The following RELN variants were observed in gnomAD, a reference collection of about 807,000 sequenced individuals.
The protein encoded by RELN is reelin.
In RELN, 108 loss-of-function variants were observed where a neutral mutation model predicts 427.6. The observed-to-expected ratio is 0.25, with a 90% CI of 0.22 to 0.30. RELN has a LOEUF of 0.30. RELN is among the 10% of genes least tolerant of loss of function. RELN has a pLI of 1.00. For missense variants in RELN, 3,715 were observed against 4,302.8 expected, an observed-to-expected ratio of 0.86 and a Z score of 3.82; for synonymous variants, 1,524 against 1,513.4, an observed-to-expected ratio of 1.01 and a Z score of -0.16.
intron 1 of RELN, among the ~76,000 whole-genome samples, chr7:103,970,371 T>G (rs1341973692): frequency 6.6e-6 from 1 of 152,156 alleles, no homozygotes; most frequent in Non-Finnish European, 1.5e-5. Flanking sequence ...CTCGAACTCC[T>G]GACCTCAAGT....
At chr7:103,685,212 A>C (rs950545363) in intron 10 of RELN, among the ~76,000 whole-genome samples, 20 of 152,290 alleles carry the variant, frequency 1.3e-4, no homozygotes, top group African/African-American at 4.8e-4. Context: ...TGAAAGTATG[A>C]AAAGAATTTT....
chr7:103,546,054 C>T (rs531826563), intron 41 of RELN, among the ~76,000 whole-genome samples: 14 of 152,318 alleles, frequency 9.2e-5, no homozygotes, highest in East Asian at 1.9e-4. Flanking sequence ...GTGGCATTTA[C>T]CACATTCATA....
intron 1 of RELN, among the ~76,000 whole-genome samples, chr7:103,960,153 T>C (rs1433936768): frequency 6.6e-6 from 1 of 152,172 alleles, no homozygotes; most frequent in Non-Finnish European, 1.5e-5. Flanking sequence ...TTCAAAATGT[T>C]CCCTTTCACG....
At chr7:103,909,792 AAATATATATTAATATATAATAT>A (rs1563085198) in intron 2 of RELN, among the ~76,000 whole-genome samples, 13,152 of 86,790 alleles carry the variant, frequency 0.15, 1,665 homozygotes, top group South Asian at 0.21. Context: ...TATATATATT[AAATATATATTAATATATAATAT>A]TATATATAAA....
At position 103,523,500 on chromosome 7, in the gene RELN, G is replaced by T; in HGVS notation, c.7381C>A (p.Pro2461Thr). The T allele has an allele frequency of 6.2e-7, 1 of 1,614,022 alleles. No individual in the cohort carries two copies. Among genetic ancestry groups the T allele is most frequent in the Non-Finnish European group, 8.5e-7 (1 of 1,180,016 alleles). The change falls in exon 47 of 65, where the codon CCA becomes ACA. Residue 2461 changes from proline (P) to threonine (T), a missense_variant. Physicochemically the swap from Pro to Thr is conservative, Grantham distance 38. Around this residue, in one of 4 missense-constraint regions of RELN, gnomAD observed 1,310 missense variants for 1,643.0 expected, o/e 0.80. Transcript: ENST00000428762. The part of the protein sequence containing the change: ...SQATRFRWHQ[P>T]APFDKQQTWA... ...GTCTGCTGCTTGTCAAAAGGAGCTG[G>T]TTGATGCCAACGGAAACGAGTGGCT...
In RELN at chr7:103,495,831, G is replaced by C; in HGVS notation, c.9261C>G (p.Gly3087=). ...PNAVRTAGFC[G]NPSFHLYWPN... ...GCCAATAGAGGTGAAAGGATGGATT[G>C]CCACAAAATCCTGCTGTCCTTACAG... is the stretch of plus-strand genomic sequence containing the variant. Residue 3087 remains glycine, a synonymous_variant, in exon 57 of 65, where the codon GGC becomes GGG. Transcript: ENST00000428762. 1.9e-6 allele frequency: 3 copies of C among 1,613,968 alleles called. No individual in the cohort carries two copies. Among genetic ancestry groups the C allele is most frequent in the Middle Eastern group, 3.3e-4 (2 of 6,060 alleles).
intron 2 of RELN, among the ~76,000 whole-genome samples, chr7:103,893,986 C>T (rs1057053880): frequency 2.6e-5 from 4 of 152,098 alleles, no homozygotes; most frequent in Non-Finnish European, 5.9e-5. Flanking sequence ...CATAGCCGAA[C>T]GCTGAATAGA....
rs1395094276 is a variant in RELN at position 103,968,636 on chromosome 7, T to C, written c.226+20495A>G. On this transcript the variant is annotated intron_variant, in intron 1 of 64. Transcript: ENST00000428762. This position sits in a 1 kb window ranked among gnomAD's most constrained non-coding sequence, Gnocchi z 4.3. Reference sequence around the variant, plus strand: ...CTAATCTAACCATCTAGTAATTCTTTTCACTAAGCTATTTCTGCAACTTAT... The same window carrying C: ...CTAATCTAACCATCTAGTAATTCTTCTCACTAAGCTATTTCTGCAACTTAT... Among the ~76,000 whole-genome samples the C allele has an allele frequency of 6.6e-6, 1 of 152,198 alleles. No homozygotes were observed. Among genetic ancestry groups the C allele is most frequent in the Non-Finnish European group, 1.5e-5 (1 of 68,036 alleles).
At chr7:103,805,066 G>C (rs1233385047) in intron 3 of RELN, among the ~76,000 whole-genome samples, 2 of 140,540 alleles carry the variant, frequency 1.4e-5, no homozygotes, top group Non-Finnish European at 3.1e-5. Context: ...ATTCCCTCAG[G>C]TTGAGTGGAA....
chr7:103,608,243 A>G (rs1214471936), intron 22 of RELN, among the ~76,000 whole-genome samples: 3 of 152,230 alleles, frequency 2.0e-5, no homozygotes, highest in Non-Finnish European at 2.9e-5. Context: ...ATGTAAATAT[A>G]CTTTATTTTT....
chr7:103,646,132 C>A (rs969389975), intron 16 of RELN, among the ~76,000 whole-genome samples: 2 of 151,586 alleles, frequency 1.3e-5, no homozygotes, highest in Admixed American at 6.6e-5. Context: ...AAAAGCAGTG[C>A]TAAGAGAGAA....
At chr7:103,841,282 C>T (rs1016432817) in intron 2 of RELN, among the ~76,000 whole-genome samples, 1 of 152,164 alleles carries the variant, frequency 6.6e-6, no homozygotes, top group Non-Finnish European at 1.5e-5. Context: ...TCTGTACCAA[C>T]AATCAATATC....
At position 103,626,772 on chromosome 7, in the gene RELN, A is replaced by G. The variant is rs1832339191; in HGVS notation, c.2702+3168T>C. ...TTCCCTTGGTATTATCACTAATAGT[A>G]TTAGATGCAATATTTAATAAACTTC... On this transcript the variant is annotated intron_variant, in intron 20 of 64. Coordinates refer to ENST00000428762, the MANE Select transcript of RELN (RefSeq NM_005045.4). This position sits in a 1 kb window ranked among gnomAD's most constrained non-coding sequence, Gnocchi z 4.4. 1.3e-5 allele frequency among the ~76,000 whole-genome samples: 2 copies of G among 152,154 alleles called. No homozygotes were observed. Among genetic ancestry groups the G allele is most frequent in the African/African-American group, 4.8e-5 (2 of 41,446 alleles).
chr7:103,891,742 T>C (rs181695161), intron 2 of RELN, among the ~76,000 whole-genome samples: 1 of 152,246 alleles, frequency 6.6e-6, no homozygotes, highest in Admixed American at 6.5e-5. Context: ...TCATTATTCA[T>C]TTTTTTCAAT....
At chr7:103,572,867 C>G (rs1830915187) in intron 30 of RELN, among the ~76,000 whole-genome samples, 1 of 152,090 alleles carries the variant, frequency 6.6e-6, no homozygotes, top group Admixed American at 6.5e-5. Context: ...TAAAATTATA[C>G]TTTAGTTTCT....
At chr7:103,828,210 T>C (rs566469435) in intron 3 of RELN, among the ~76,000 whole-genome samples, 3 of 152,146 alleles carry the variant, frequency 2.0e-5, no homozygotes, top group East Asian at 3.9e-4. Context: ...TGAGATACAC[T>C]CAAGGCAGCA....
chr7:103,558,612 T>C (rs1467350293), intron 36 of RELN, among the ~76,000 whole-genome samples: 7 of 152,222 alleles, frequency 4.6e-5, no homozygotes, highest in African/African-American at 1.4e-4. Flanking sequence ...CTGTAGGCAT[T>C]CATGCAGAGA....
chr7:103,780,034 G>A (rs1471621645), intron 3 of RELN, among the ~76,000 whole-genome samples: 1 of 152,126 alleles, frequency 6.6e-6, no homozygotes, highest in Non-Finnish European at 1.5e-5. Context: ...CCCAGGGCCT[G>A]ATCTTTAAAG....
intron 24 of RELN, among the ~76,000 whole-genome samples, chr7:103,600,766 GAA>G (rs1261185942): frequency 6.6e-6 from 1 of 152,172 alleles, no homozygotes; most frequent in East Asian, 1.9e-4. Context: ...AAGGGGCAGA[GAA>G]TTTTACTTTT....
Sources: gnomAD v4.1 joint callset for allele counts (sites outside exome capture counted in the v4.1 genomes callset) on GRCh38, gnomAD v4.1.1 for gene constraint, gnomAD v4.1.1 regional missense constraint, Gnocchi (gnomAD v3.1) non-coding constraint, MANE v1.5 for transcripts, NCBI Gene and HGNC (gene_info 2026-07-23, HGNC 2026-07-21) for gene names.